Variants in RAB4A observed in about 807,000 individuals in gnomAD.
RAB4A encodes the protein RAB4A, member RAS oncogene family, also known as ras-related protein Rab-4A.
RAB4A carries 20 observed loss-of-function variants against 34.5 expected under a neutral mutation model. That is an observed-to-expected ratio of 0.58 (90% CI 0.41 to 0.84). The LOEUF (loss-of-function observed/expected upper bound fraction) is 0.84, where lower values mean the gene tolerates loss of function less well. RAB4A is among the 40% of genes least tolerant of loss of function. The probability of loss-of-function intolerance (pLI) is 0.00; values close to 1 mark genes in which losing one functional copy is unlikely to be tolerated. For synonymous variants in RAB4A, 102 were observed against 100.0 expected (o/e 1.02, Z -0.12); for missense variants, 228 against 274.5 (o/e 0.83, Z 1.20).
At chr1:229,302,015 C>T (rs1657396629) in intron 6 of RAB4A, among the ~76,000 whole-genome samples, 1 of 151,284 alleles carries the variant, frequency 6.6e-6, no homozygotes, top group Non-Finnish European at 1.5e-5. Flanking sequence ...CTCATTGGAG[C>T]ACTTCAAATT....
chr1:229,271,489 G>C, intron 1 of RAB4A, 119 bp downstream of exon 1: 2 of 862,988 alleles, frequency 2.3e-6, no homozygotes, highest in Non-Finnish European at 2.9e-6. Context: ...GGAGCCGGGG[G>C]ACGGATCTCG....
chr1:229,302,056 G>T (rs1657397588), intron 6 of RAB4A, among the ~76,000 whole-genome samples: 1 of 151,190 alleles, frequency 6.6e-6, no homozygotes, highest in Admixed American at 6.6e-5. Flanking sequence ...TGCTGAACTG[G>T]TAAGTATAAT....
chr1:229,276,424 T>A (rs1386125056), intron 1 of RAB4A, among the ~76,000 whole-genome samples: 1 of 151,552 alleles, frequency 6.6e-6, no homozygotes, highest in Non-Finnish European at 1.5e-5. Context: ...AATCCATGCC[T>A]GTGACTTTAC....
intron 4 of RAB4A, among the ~76,000 whole-genome samples, chr1:229,296,860 G>T (rs1657262966): frequency 6.6e-6 from 1 of 152,230 alleles, no homozygotes; most frequent in Non-Finnish European, 1.5e-5. Flanking sequence ...CTAGCAAAGT[G>T]CCATGAGAAG....
In RAB4A at chr1:229,288,233, AT is replaced by A. The variant is rs1656976071; in HGVS notation, c.113-489del. Among the ~76,000 whole-genome samples, 4 of 151,554 alleles carry A rather than the reference AT, an allele frequency of 2.6e-5. No homozygotes were observed. The South Asian group carries it at 6.3e-4, about 24-fold the overall frequency. ...TGGAGGGTGTTTTTTCTTTGGTTCA[AT>A]TTTTTTCCTCCTTTTCCCTTTTCCT... On this transcript the variant is annotated intron_variant, in intron 2 of 7. Transcript: ENST00000366690.
intron 4 of RAB4A, 95 bp downstream of exon 4, chr1:229,296,005 G>A (rs2102852215): frequency 3.1e-6 from 4 of 1,290,812 alleles, no homozygotes; most frequent in Non-Finnish European, 4.4e-6. Flanking sequence ...TGTGTGCTTT[G>A]TGTGTCCAGG....
At chr1:229,273,612 G>A (rs142549343) in intron 1 of RAB4A, among the ~76,000 whole-genome samples, 60 of 152,278 alleles carry the variant, frequency 3.9e-4, no homozygotes, top group Middle Eastern at 3.4e-3. Flanking sequence ...ATGGTGGTAC[G>A]CTTGTAGTCC....
chr1:229,271,305 C>T lies in RAB4A; in HGVS notation c.-35C>T. On this transcript the variant is annotated 5_prime_UTR_variant, in exon 1 of 8. Coordinates refer to ENST00000366690, the MANE Select transcript of RAB4A (RefSeq NM_004578.4). ...GCCGGCGGACCGCGGGCGAGTGCAG[C>T]CGGTGACCCGGCGAGAGGCGGCGCC... is the stretch of plus-strand genomic sequence containing the variant. The T allele has an allele frequency of 7.5e-7, 1 of 1,330,986 alleles. No homozygotes were observed. Among genetic ancestry groups the T allele is most frequent in the Non-Finnish European group, 9.6e-7 (1 of 1,038,892 alleles). 82.4% of individuals were successfully genotyped at this position (1,330,986 alleles called of 1,614,324 possible).
At chr1:229,271,542 T>C (rs1233851881) in intron 1 of RAB4A, among the ~76,000 whole-genome samples, 172 bp downstream of exon 1, 1 of 89,130 alleles carries the variant, frequency 1.1e-5, no homozygotes, top group Non-Finnish European at 2.4e-5. Context: ...CGCGGGCCGC[T>C]GGGGGCTCGG....
rs894336179 is a variant in RAB4A at position 229,272,547 on chromosome 1, G to T, written c.31+1177G>T. Among the ~76,000 whole-genome samples, 3 of 152,294 alleles carry T rather than the reference G, an allele frequency of 2.0e-5. No homozygotes were observed. The East Asian group carries it at 5.8e-4, about 29-fold the overall frequency. On this transcript the variant is annotated intron_variant, in intron 1 of 7. Transcript: ENST00000366690. ...AAAACCAGGCAAGAGTTCTGAAGGA[G>T]TGTGGTCCGTGAAAGTGTGTTAGAA...
chr1:229,294,333 G>A (rs556218973), intron 3 of RAB4A, among the ~76,000 whole-genome samples: 11 of 152,350 alleles, frequency 7.2e-5, no homozygotes, highest in African/African-American at 2.4e-4. Flanking sequence ...TCAGAAGAAT[G>A]ACCAGAGCCA....
chr1:229,296,111 A>G (rs1205261568), intron 4 of RAB4A, among the ~76,000 whole-genome samples: 1 of 152,252 alleles, frequency 6.6e-6, no homozygotes, highest in Non-Finnish European at 1.5e-5. Context: ...TTTCCCCTGC[A>G]GAGAAATGTG....
chr1:229,287,410 C>G (rs1656951634), intron 2 of RAB4A, among the ~76,000 whole-genome samples: 1 of 152,188 alleles, frequency 6.6e-6, no homozygotes, highest in Non-Finnish European at 1.5e-5. Flanking sequence ...CCCAGTGTGG[C>G]TTAGTCACAG....
rs899066872 is a variant in RAB4A, at chr1:229,305,527, T to A, written c.*1734T>A. 1 of 374,858 alleles carries A rather than the reference T, an allele frequency of 2.7e-6. No homozygotes were observed. Among genetic ancestry groups the A allele is most frequent in the Admixed American group, 4.9e-5 (1 of 20,546 alleles). 23.2% of individuals were successfully genotyped at this position (374,858 alleles called of 1,614,324 possible). On this transcript the variant is annotated 3_prime_UTR_variant, in exon 8 of 8. Coordinates refer to ENST00000366690, the MANE Select transcript of RAB4A (RefSeq NM_004578.4). ...AAACCATGGTGGTTCTTAATCAGGC[T>A]TTGCCTTTAGGGAGAATGAGGAGGA... is the stretch of plus-strand genomic sequence containing the variant.
intron 3 of RAB4A, among the ~76,000 whole-genome samples, chr1:229,291,704 G>A (rs997762368): frequency 1.3e-5 from 2 of 152,220 alleles, no homozygotes; most frequent in African/African-American, 2.4e-5. Flanking sequence ...TTACCAGAAA[G>A]AGAGAACTCA....
intron 1 of RAB4A, among the ~76,000 whole-genome samples, chr1:229,283,260 C>T (rs1286280483): frequency 2.6e-5 from 4 of 152,194 alleles, no homozygotes. Flanking sequence ...GTGCCAGGGG[C>T]ACACAAGAGC....
At chr1:229,286,440 C>A in intron 1 of RAB4A, 46 bp from the exon 2 acceptor site, 2 of 1,166,300 alleles carry the variant, frequency 1.7e-6, no homozygotes, top group Non-Finnish European at 1.2e-6. Context: ...AAGAAATTCA[C>A]AGCACTATTT....
chr1:229,288,633 A>G, intron 2 of RAB4A, 96 bp from the exon 3 acceptor site: 1 of 655,732 alleles, frequency 1.5e-6, no homozygotes, highest in Non-Finnish European at 2.7e-6. Flanking sequence ...TCCATTCCCC[A>G]TTGATGTAAC....
At chr1:229,295,438 C>T (rs1191780526) in intron 3 of RAB4A, among the ~76,000 whole-genome samples, 1 of 152,040 alleles carries the variant, frequency 6.6e-6, no homozygotes, top group Non-Finnish European at 1.5e-5. Context: ...TGGATTCCAC[C>T]GCGCCGAGAG....
Sources: gnomAD v4.1 joint callset for allele counts (sites outside exome capture counted in the v4.1 genomes callset) on GRCh38, gnomAD v4.1.1 for gene constraint, MANE v1.5 for transcripts, NCBI Gene and HGNC (gene_info 2026-07-23, HGNC 2026-07-21) for gene names.